HERC3: variants seen among roughly 807,000 people sequenced by gnomAD.
HERC3 encodes the protein HECT and RLD domain containing E3 ubiquitin protein ligase 3.
A neutral mutation model predicts 129.9 loss-of-function variants in HERC3; 58 were observed. The ratio of observed to expected loss-of-function variants is 0.45; its 90% CI spans 0.36 to 0.56. The LOEUF is 0.56. HERC3 is among the 20% of genes least tolerant of loss of function. The pLI, the probability that HERC3 is intolerant of heterozygous loss-of-function variation, is 0.00. For missense variants in HERC3, 835 were observed against 1,244.2 expected (o/e 0.67, Z 4.95); for synonymous variants, 430 against 451.0 (o/e 0.95, Z 0.59).
intron 14 of HERC3, 37 bp from the exon 15 acceptor site, chr4:88,669,823 T>C (rs1245525652): frequency 1.9e-6 from 3 of 1,573,036 alleles, no homozygotes; most frequent in South Asian, 2.2e-5. Context: ...TTGCCCAAGA[T>C]TACATGTTGA....
chr4:88,705,838 G>C (rs1282832827), intron 25 of HERC3, among the ~76,000 whole-genome samples: 1 of 152,206 alleles, frequency 6.6e-6, no homozygotes, highest in East Asian at 1.9e-4. Context: ...AACAGGTTCT[G>C]CTGCTCACAT....
At position 88,614,886 on chromosome 4, in the gene HERC3, G is replaced by T. The variant is rs539130802; in HGVS notation, c.226+8837G>T. ...GAGAATATAAGATATACCCAAAAAG[G>T]TTATATCCTGCAGTTCAGCAGGTGT... On this transcript the variant is annotated intron_variant, in intron 3 of 25. Coordinates refer to ENST00000402738, the MANE Select transcript of HERC3 (RefSeq NM_014606.3). Among the ~76,000 whole-genome samples, 65 of 152,266 alleles carry T rather than the reference G, an allele frequency of 4.3e-4. No individual in the cohort carries two copies. The South Asian group carries it at 6.2e-3, about 15-fold the overall frequency.
the HERC3 span, among the ~76,000 whole-genome samples, chr4:88,565,323 A>T: frequency 1.3e-5 from 2 of 152,134 alleles, no homozygotes; most frequent in African/African-American, 4.8e-5. Flanking sequence ...TCCAATGCTG[A>T]AAGTGGGGTG....
chr4:88,673,191 C>T (rs577269425), intron 16 of HERC3, among the ~76,000 whole-genome samples: 6 of 152,248 alleles, frequency 3.9e-5, no homozygotes, highest in Non-Finnish European at 5.9e-5. Context: ...AGATAAAGCT[C>T]GACATCTTGC....
In HERC3 at chr4:88,650,108, C is replaced by T. The variant is rs559374999; in HGVS notation, c.386+109C>T. The stretch of plus-strand genomic sequence containing the variant: ...CTTCATTTAATTGCTATTTCCTTTG[C>T]ACCACTCCTGTGCCTTATACTATTA... On this transcript the variant is annotated intron_variant, in intron 4 of 25. Coordinates refer to ENST00000402738, the MANE Select transcript of HERC3 (RefSeq NM_014606.3). The T allele has an allele frequency of 1.7e-5, 19 of 1,147,458 alleles. No homozygotes were observed. The South Asian group carries it at 1.9e-4, about 12-fold the overall frequency. 71.1% of individuals were successfully genotyped at this position (1,147,458 alleles called of 1,614,324 possible).
At chr4:88,684,916 T>G (rs1346395010) in intron 21 of HERC3, 6 of 152,374 alleles carry the variant, frequency 3.9e-5, no homozygotes, top group Non-Finnish European at 8.8e-5. Context: ...CTTCTCTGTA[T>G]CGTTCCAATT....
intron 23 of HERC3, among the ~76,000 whole-genome samples, chr4:88,690,848 C>G (rs990943948): frequency 6.6e-6 from 1 of 152,250 alleles, no homozygotes; most frequent in Middle Eastern, 3.4e-3. Flanking sequence ...TTCTTTGAAT[C>G]AACAATTGAA....
intron 21 of HERC3, among the ~76,000 whole-genome samples, chr4:88,683,567 T>C (rs1458138267): frequency 6.6e-6 from 1 of 152,212 alleles, no homozygotes; most frequent in South Asian, 2.1e-4. Flanking sequence ...GATTAACTGG[T>C]GGCAGATTTA....
Position 88,681,175 on chromosome 4 carries a change from A to G in HERC3, c.2357A>G (p.Asn786Ser), listed in dbSNP as rs377044881. 105 of 1,611,850 alleles carry G rather than the reference A, an allele frequency of 6.5e-5. No individual in the cohort carries two copies. Among genetic ancestry groups the G allele is most frequent in the Middle Eastern group, 1.7e-4 (1 of 6,046 alleles). The change falls in exon 21 of 26, where the codon AAC becomes AGC. Residue 786 changes from asparagine (N) to serine (S), a missense_variant. By Grantham distance (46) the Asn-to-Ser change is conservative. Transcript: ENST00000402738. ...CCTAAAAAGTGTTTTGTAGAGCACAACTGGTTTCACTTGATTGGTATAACC... is the reference window on the plus strand; with the variant it reads ...CCTAAAAAGTGTTTTGTAGAGCACAGCTGGTTTCACTTGATTGGTATAACC... ...WFSDTCFVEH[N>S]WFHLIGITCG... is the part of the protein sequence containing the mutation.
chr4:88,545,430 C>CCTTTTTTTTTTTTTTTTT, the HERC3 span, among the ~76,000 whole-genome samples: 299 of 110,368 alleles, frequency 2.7e-3, 16 homozygotes, highest in African/African-American at 9.3e-3. Flanking sequence ...TTTGAGAATT[C>CCTTTTTTTTTTTTTTTTT]TTTTTTTTTT....
intron 3 of HERC3, among the ~76,000 whole-genome samples, chr4:88,628,828 A>G (rs1726427026): frequency 6.6e-6 from 1 of 152,206 alleles, no homozygotes; most frequent in Non-Finnish European, 1.5e-5. Flanking sequence ...TGGTCTGAAT[A>G]GTTGAAAAAA....
At chr4:88,623,011 A>C (rs993286082) in intron 3 of HERC3, among the ~76,000 whole-genome samples, 1 of 152,224 alleles carries the variant, frequency 6.6e-6, no homozygotes, top group Non-Finnish European at 1.5e-5. Context: ...GAGATAAAAC[A>C]TATAAAGCTC....
intron 3 of HERC3, among the ~76,000 whole-genome samples, chr4:88,625,373 G>A (rs1725983088): frequency 1.3e-5 from 2 of 151,756 alleles, no homozygotes; most frequent in African/African-American, 2.4e-5. Flanking sequence ...ATTTTTCTCA[G>A]CAATATTTTT....
chr4:88,632,205 T>C (rs1455074907), intron 3 of HERC3, among the ~76,000 whole-genome samples: 1 of 152,230 alleles, frequency 6.6e-6, no homozygotes, highest in Non-Finnish European at 1.5e-5. Flanking sequence ...TTTATTCTAC[T>C]TAGCATATAA....
chr4:88,561,429 A>G, the HERC3 span, among the ~76,000 whole-genome samples: 1 of 152,202 alleles, frequency 6.6e-6, no homozygotes, highest in Non-Finnish European at 1.5e-5. Flanking sequence ...ATATTTTGAT[A>G]CAGGCCTACA....
intron 14 of HERC3, chr4:88,668,612 T>C (rs1731284422): frequency 6.5e-6 from 1 of 154,632 alleles, no homozygotes; most frequent in Admixed American, 6.5e-5. Context: ...CTCAGTGATT[T>C]GGAGAGTGTC....
intron 19 of HERC3, 27 bp from the exon 20 acceptor site, chr4:88,680,066 G>A (rs1381834656): frequency 3.2e-6 from 5 of 1,583,586 alleles, no homozygotes; most frequent in African/African-American, 1.4e-5. Flanking sequence ...TTTCCCGGAA[G>A]CATTAATTCT....
intron 25 of HERC3, among the ~76,000 whole-genome samples, chr4:88,705,848 T>C (rs945945999): frequency 6.6e-6 from 1 of 152,208 alleles, no homozygotes; most frequent in African/African-American, 2.4e-5. Context: ...GCTGCTCACA[T>C]GGGAGCAAGG....
intron 23 of HERC3, chr4:88,697,773 G>A (rs11554723): frequency 1.3e-6 from 2 of 1,569,138 alleles, no homozygotes; most frequent in Admixed American, 1.9e-5. Flanking sequence ...AGAAGCCGCA[G>A]AGGTCTAGGA....
Sources: gnomAD v4.1 joint callset for allele counts (sites outside exome capture counted in the v4.1 genomes callset) on GRCh38, gnomAD v4.1.1 for gene constraint, MANE v1.5 for transcripts, NCBI Gene and HGNC (gene_info 2026-07-23, HGNC 2026-07-21) for gene names.